ZNF862: variants seen among roughly 807,000 people sequenced by gnomAD.
ZNF862 encodes zinc finger protein 862.
In ZNF862, 64 loss-of-function variants were observed where a neutral mutation model predicts 91.1. That is an observed-to-expected ratio of 0.70 (90% CI 0.57 to 0.87). ZNF862 has a LOEUF of 0.87. ZNF862 is among the 40% of genes least tolerant of loss of function. The probability of loss-of-function intolerance (pLI) is 0.00; values close to 1 mark genes in which losing one functional copy is unlikely to be tolerated. For synonymous variants in ZNF862, 631 were observed against 618.1 expected (o/e 1.02, Z -0.31); for missense variants, 1,459 against 1,528.0 (o/e 0.95, Z 0.75).
In ZNF862 at chr7:149,852,368, TGTGTGA is replaced by T. The variant is rs1242674745; in HGVS notation, c.1117+2032_1117+2037del. On this transcript the variant is annotated intron_variant, in intron 5 of 7. Transcript: ENST00000223210. ...GTGTGTGTGTGTGTGTGTGTGTGTG[TGTGTGA>T]GAGAGAGAGAGAGAGACAGGCTGTC... Among the ~76,000 whole-genome samples, 519 of 138,470 alleles carry T rather than the reference TGTGTGA, an allele frequency of 3.7e-3. 5 individuals carry two copies. Among genetic ancestry groups the T allele is most frequent in the Non-Finnish European group, 4.0e-3 (247 of 61,442 alleles). The allele number at this position is 138,470 out of a possible 152,430, so 90.8% of individuals were successfully genotyped here.
chr7:149,847,968 C>T lies in ZNF862; in HGVS notation c.475C>T (p.Leu159=), dbSNP rs919939161. 1 of 1,610,804 alleles carries T rather than the reference C, an allele frequency of 6.2e-7. No homozygotes were observed. Among genetic ancestry groups the T allele is most frequent in the Admixed American group, 1.7e-5 (1 of 59,490 alleles). ...WLIMNEEQTA[L]FCSACREYPS... is the part of the protein sequence containing the mutation. ...GATCATGAATGAGGAGCAGACGGCT[C>T]TGTTCTGCTCTGCTTGCCGAGAATA... The change falls in exon 4 of 8, where the codon CTG becomes TTG. Residue 159 remains leucine, a synonymous_variant. Transcript: ENST00000223210.
chr7:149,840,158 T>A (rs1369797809), intron 1 of ZNF862, among the ~76,000 whole-genome samples: 2 of 139,372 alleles, frequency 1.4e-5, no homozygotes, highest in Non-Finnish European at 3.0e-5. Context: ...TGTGTGTTTG[T>A]GTCTTAGGTT....
chr7:149,852,089 G>A (rs1310602154), intron 5 of ZNF862: 1 of 152,172 alleles, frequency 6.6e-6, no homozygotes, highest in Non-Finnish European at 1.5e-5. Context: ...TGGGGACTAT[G>A]GGCAGGGCCT....
chr7:149,860,659 C>T lies in ZNF862; in HGVS notation c.1499C>T (p.Ser500Leu). The T allele has an allele frequency of 6.2e-7, 1 of 1,614,026 alleles. No individual in the cohort carries two copies. ...GAAAGACCTAATCTCCATGATAAAT[C>T]ATCTCGGTTAGTCAGAGGTTACACG... ...CIERPNLHDK[S>L]SRLVRGYTGP... Residue 500 changes from serine to leucine, a missense_variant, in exon 7 of 8, where the codon TCA becomes TTA. Coordinates refer to ENST00000223210, the MANE Select transcript of ZNF862 (RefSeq NM_001099220.3).
chr7:149,860,399 G>C lies in ZNF862; in HGVS notation c.1239G>C (p.Val413=). The C allele has an allele frequency of 1.2e-6, 2 of 1,610,604 alleles. No homozygotes were observed. The highest frequency in any genetic ancestry group is 8.5e-7 in the Non-Finnish European group (1 of 1,178,152). ...KGRPPGNKKM[V]AVREADTQAS... Reference sequence around the variant, plus strand: ...TCTCCAAAGGGAACAAGAAGATGGTGGCAGTGAGAGAGGCAGACACACAGG... The same window carrying C: ...TCTCCAAAGGGAACAAGAAGATGGTCGCAGTGAGAGAGGCAGACACACAGG... The change falls in exon 7 of 8, where the codon GTG becomes GTC. Residue 413 remains valine, a synonymous_variant. Transcript: ENST00000223210.
chr7:149,846,359 C>A, intron 3 of ZNF862, 104 bp downstream of exon 3: 1 of 820,464 alleles, frequency 1.2e-6, no homozygotes, highest in Non-Finnish European at 2.0e-6. Context: ...TCTCCACCAA[C>A]TGACACTGCT....
chr7:149,847,032 T>C (rs898515347), intron 3 of ZNF862, among the ~76,000 whole-genome samples: 1 of 152,238 alleles, frequency 6.6e-6, no homozygotes, highest in Admixed American at 6.5e-5. Context: ...GGAACTTATG[T>C]TGGTACATAA....
At chr7:149,840,607 G>A (rs1465504115) in intron 1 of ZNF862, among the ~76,000 whole-genome samples, 2 of 151,150 alleles carry the variant, frequency 1.3e-5, no homozygotes, top group South Asian at 2.1e-4. Context: ...CTCCATTCAT[G>A]GTAAGTGCCC....
chr7:149,843,996 T>C (rs1011058210), intron 1 of ZNF862, among the ~76,000 whole-genome samples: 3 of 152,168 alleles, frequency 2.0e-5, no homozygotes, highest in Non-Finnish European at 4.4e-5. Context: ...GCGCCCCCTA[T>C]TATAGTGGGG....
intron 1 of ZNF862, chr7:149,841,813 A>G (rs960994849): frequency 4.2e-6 from 4 of 944,690 alleles, no homozygotes; most frequent in Non-Finnish European, 3.8e-6. Flanking sequence ...ACATGGTTCT[A>G]TTATTGCACT....
chr7:149,856,982 G>T (rs1416652786), intron 5 of ZNF862, among the ~76,000 whole-genome samples: 1 of 152,214 alleles, frequency 6.6e-6, no homozygotes, highest in African/African-American at 2.4e-5. Context: ...GGTTTTACTG[G>T]TGCTATTGAG....
chr7:149,860,250 C>T lies in ZNF862; in HGVS notation c.1223-133C>T, dbSNP rs2128941361. The T allele has an allele frequency of 5.0e-6, 4 of 801,190 alleles. No individual in the cohort carries two copies. In the South Asian group the frequency reaches 7.5e-5, roughly 15 times the overall value. The allele number at this position is 801,190 out of a possible 1,614,324, so 49.6% of individuals were successfully genotyped here. A position where few individuals can be genotyped will look rare whatever the true frequency, so the allele number is the denominator to read the frequency against. ...AGGGTTTAAGTGGACGCCACTTTCTCTAGAAAGAAGGATTGCATTCATCTT... is the reference window on the plus strand; with the variant it reads ...AGGGTTTAAGTGGACGCCACTTTCTTTAGAAAGAAGGATTGCATTCATCTT... On this transcript the variant is annotated intron_variant, in intron 6 of 7. Transcript: ENST00000223210.
intron 1 of ZNF862, among the ~76,000 whole-genome samples, chr7:149,843,602 C>T (rs939434337): frequency 1.3e-5 from 2 of 152,082 alleles, no homozygotes; most frequent in African/African-American, 4.8e-5. Context: ...CTCTATAGTC[C>T]CTGTTAGATC....
In ZNF862 at chr7:149,866,205, G is replaced by C. The variant is rs1370970745; in HGVS notation, c.*1921G>C. ...AAATGTCTCCCAGCCCTGTGGGTCTGGCGGTCAGAGGGACCCCACAGGCCT... is the reference window on the plus strand; with the variant it reads ...AAATGTCTCCCAGCCCTGTGGGTCTCGCGGTCAGAGGGACCCCACAGGCCT... On this transcript the variant is annotated 3_prime_UTR_variant, in exon 8 of 8. Coordinates refer to ENST00000223210, the MANE Select transcript of ZNF862 (RefSeq NM_001099220.3). 3 of 152,180 alleles carry C rather than the reference G, an allele frequency of 2.0e-5. No individual in the cohort carries two copies. The highest frequency in any genetic ancestry group is 7.2e-5 in the African/African-American group (3 of 41,438). 9.4% of individuals were successfully genotyped at this position (152,180 alleles called of 1,614,324 possible). A position where few individuals can be genotyped will look rare whatever the true frequency, so the allele number is the denominator to read the frequency against.
Position 149,860,771 on chromosome 7 carries a change from C to T in ZNF862, c.1611C>T (p.Asp537=). The T allele has an allele frequency of 6.2e-7, 1 of 1,613,894 alleles. No homozygotes were observed. Among genetic ancestry groups the T allele is most frequent in the Non-Finnish European group, 8.5e-7 (1 of 1,179,874 alleles). ...LCVNTVEIKE[D]TPHTALVPEI... ...TCAACACGGTTGAAATCAAGGAAGA[C>T]ACCCCTCACACTGCCCTCGTTCCAG... Residue 537 remains aspartate, a synonymous_variant, in exon 7 of 8, where the codon GAC becomes GAT. Transcript: ENST00000223210.
Position 149,862,407 on chromosome 7 carries a change from G to A in ZNF862, c.3247G>A (p.Ala1083Thr). 5 of 1,612,290 alleles carry A rather than the reference G, an allele frequency of 3.1e-6. No individual in the cohort carries two copies. Among genetic ancestry groups the A allele is most frequent in the African/African-American group, 1.3e-5 (1 of 75,018 alleles). Residue 1083 changes from alanine to threonine, a missense_variant, in exon 7 of 8, where the codon GCC becomes ACC. By Grantham distance (58) the Ala-to-Thr change is moderately conservative. Coordinates refer to ENST00000223210, the MANE Select transcript of ZNF862 (RefSeq NM_001099220.3). ...CGTCACGGAGTACGACCCCCAGCCC[G>A]CCATCCAGCACTGGTACCTGACCTC... ...VAVTEYDPQP[A>T]IQHWYLTSSG... is the part of the protein sequence containing the mutation.
chr7:149,838,438 C>T lies in ZNF862; in HGVS notation c.-174C>T, dbSNP rs527366309. On this transcript the variant is annotated 5_prime_UTR_variant, in exon 1 of 8. Transcript: ENST00000223210. ...TCAGCTCAGCGCGCTTATCCTGGGTCCACCGGCGCTACCGCCCCCCGACGT... is the reference window on the plus strand; with the variant it reads ...TCAGCTCAGCGCGCTTATCCTGGGTTCACCGGCGCTACCGCCCCCCGACGT... 1.5e-3 allele frequency: 596 copies of T among 409,974 alleles called. 1 individual carries two copies. The highest frequency in any genetic ancestry group is 1.7e-3 in the Non-Finnish European group (414 of 237,298). The allele number at this position is 409,974 out of a possible 1,614,324, so 25.4% of individuals were successfully genotyped here.
Position 149,850,718 on chromosome 7 carries a change from C to G in ZNF862, c.1117+380C>G, listed in dbSNP as rs887790249. Reference sequence around the variant, plus strand: ...GCTTCCAGAAGAGTACCCGGGGCTACTGAAGAAGAGGGATTTGATTTCCTG... The same window carrying G: ...GCTTCCAGAAGAGTACCCGGGGCTAGTGAAGAAGAGGGATTTGATTTCCTG... On this transcript the variant is annotated intron_variant, in intron 5 of 7. Transcript: ENST00000223210. This position sits in a 1 kb window ranked among gnomAD's most constrained non-coding sequence, Gnocchi z 4.2. 5 of 165,672 alleles carry G rather than the reference C, an allele frequency of 3.0e-5. No individual in the cohort carries two copies. The highest frequency in any genetic ancestry group is 1.2e-4 in the African/African-American group (5 of 41,646). The allele number at this position is 165,672 out of a possible 1,614,324, so 10.3% of individuals were successfully genotyped here.
chr7:149,864,163 C>A lies in ZNF862; in HGVS notation c.3389C>A (p.Thr1130Asn). The A allele has an allele frequency of 6.3e-7, 1 of 1,595,536 alleles. No homozygotes were observed. Among genetic ancestry groups the A allele is most frequent in the Non-Finnish European group, 8.5e-7 (1 of 1,171,380 alleles). Residue 1130 changes from threonine (T) to asparagine (N), a missense_variant, in exon 8 of 8, where the codon ACC becomes AAC. By Grantham distance (65) the Thr-to-Asn change is moderately conservative (BLOSUM62 0). Transcript: ENST00000223210. ...GCCCTCTATGTGGAGGAGCCCAGGA[C>A]CCAGAAGCCACCCATCCTGCCCTCC... ...MGALYVEEPR[T>N]QKPPILPSRE...
Sources: allele counts gnomAD v4.1 joint callset (sites outside exome capture counted in the v4.1 genomes callset), GRCh38; gene constraint gnomAD v4.1.1; non-coding constraint Gnocchi (gnomAD v3.1); transcripts MANE v1.5; gene names NCBI Gene and HGNC (gene_info 2026-07-23, HGNC 2026-07-21).